IL1RAPL1: variants seen among roughly 807,000 people sequenced by gnomAD.
IL1RAPL1 encodes the protein interleukin-1 receptor accessory protein-like 1.
A neutral mutation model predicts 48.4 loss-of-function variants in IL1RAPL1; 3 were observed. The ratio of observed to expected loss-of-function variants is 0.06; its 90% confidence interval spans 0.03 to 0.16. The LOEUF is 0.16. IL1RAPL1 is among the 10% of genes least tolerant of loss of function. The pLI is 1.00. For missense variants in IL1RAPL1, 349 were observed against 530.6 expected (o/e 0.66, Z 3.36); for synonymous variants, 185 against 187.7 (o/e 0.99, Z 0.12).
At chrX:29,033,162 A>T (rs991746238) in intron 2 of IL1RAPL1, among the ~76,000 whole-genome samples, 22 of 111,590 alleles carry the variant, frequency 2.0e-4, no homozygotes, top group African/African-American at 5.8e-4. Context: ...TTGATTACTT[A>T]CTAAATACAA....
intron 2 of IL1RAPL1, among the ~76,000 whole-genome samples, chrX:29,129,038 T>TA: frequency 1.2e-5 from 1 of 83,759 alleles, no homozygotes; most frequent in Admixed American, 1.4e-4. Context: ...TTACCTAGAA[T>TA]CTTTTTTTTT....
At chrX:28,857,956 A>T (rs938262364) in intron 2 of IL1RAPL1, among the ~76,000 whole-genome samples, 55 of 112,126 alleles carry the variant, frequency 4.9e-4, no homozygotes, top group African/African-American at 1.8e-3. Flanking sequence ...TGCCATTAAG[A>T]ACATCTGTGA....
At chrX:28,899,603 A>G (rs66759111) in intron 2 of IL1RAPL1, among the ~76,000 whole-genome samples, 1,897 of 112,335 alleles carry the variant, frequency 0.017, 16 homozygotes, top group Non-Finnish European at 0.02. Context: ...TATAACCTCT[A>G]TACTGCTTCC....
chrX:29,646,547 A>G (rs1384408146), intron 5 of IL1RAPL1, among the ~76,000 whole-genome samples: 4 of 111,682 alleles, frequency 3.6e-5, no homozygotes, highest in Non-Finnish European at 7.5e-5. Context: ...TAAAGAAAGA[A>G]AAGCAGAAAA....
intron 5 of IL1RAPL1, among the ~76,000 whole-genome samples, chrX:29,596,329 C>G (rs969443929): frequency 8.9e-6 from 1 of 112,075 alleles, no homozygotes; most frequent in African/African-American, 3.2e-5. Context: ...GCAGTATGGT[C>G]ATTTTCACAA....
intron 1 of IL1RAPL1, among the ~76,000 whole-genome samples, chrX:28,788,633 T>TTG (rs890860291): frequency 3.3e-5 from 1 of 29,872 alleles, no homozygotes; most frequent in African/African-American, 1.4e-4. Context: ...CGCCCAGCTA[T>TTG]TTTTTTTTTT....
At chrX:29,247,428 G>A (rs755703260) in intron 2 of IL1RAPL1, among the ~76,000 whole-genome samples, 2 of 107,579 alleles carry the variant, frequency 1.9e-5, no homozygotes, top group South Asian at 3.9e-4. Context: ...GAAATAACAC[G>A]GACAGAGAAA....
chrX:29,795,645 A>C (rs1341769938), intron 6 of IL1RAPL1, among the ~76,000 whole-genome samples: 2 of 112,957 alleles, frequency 1.8e-5, no homozygotes. Context: ...TCCTGGACTC[A>C]AGCGATCCAC....
At chrX:29,073,043 G>A (rs12557417) in intron 2 of IL1RAPL1, among the ~76,000 whole-genome samples, 22,232 of 110,956 alleles carry the variant, frequency 0.2, 1,896 homozygotes, top group South Asian at 0.42. Context: ...CAACAGAAAC[G>A]TCCTATTTCC....
chrX:28,814,268 A>G (rs1371512416), intron 2 of IL1RAPL1, among the ~76,000 whole-genome samples: 5 of 105,893 alleles, frequency 4.7e-5, no homozygotes, highest in Admixed American at 3.1e-4. Context: ...CACTATTCTA[A>G]CTGAATTTTA....
At chrX:29,668,877 G>C (rs1393130277) in intron 6 of IL1RAPL1, among the ~76,000 whole-genome samples, 1 of 111,214 alleles carries the variant, frequency 9.0e-6, no homozygotes, top group Non-Finnish European at 1.9e-5. Flanking sequence ...TGAAATTTAG[G>C]GGAAAGGGTT....
intron 6 of IL1RAPL1, among the ~76,000 whole-genome samples, chrX:29,900,423 G>A (rs1487309633): frequency 8.9e-6 from 1 of 112,242 alleles, no homozygotes; most frequent in Non-Finnish European, 1.9e-5. Context: ...ACTCATTAAA[G>A]TGTACAGCGA....
At chrX:29,329,172 C>G (rs767652994) in intron 3 of IL1RAPL1, among the ~76,000 whole-genome samples, 4 of 111,363 alleles carry the variant, frequency 3.6e-5, no homozygotes, top group African/African-American at 9.8e-5. Context: ...TACACACACT[C>G]AAACACACAC....
At chrX:29,894,650 G>A (rs1240754894) in intron 6 of IL1RAPL1, among the ~76,000 whole-genome samples, 2 of 111,738 alleles carry the variant, frequency 1.8e-5, no homozygotes, top group East Asian at 2.8e-4. Flanking sequence ...CTTTTTACGA[G>A]ATTATAACTT....
intron 5 of IL1RAPL1, among the ~76,000 whole-genome samples, chrX:29,436,444 C>G (rs1268165075): frequency 9.1e-6 from 1 of 109,820 alleles, no homozygotes; most frequent in Non-Finnish European, 1.9e-5. Context: ...TTTCAAGTAC[C>G]TAGATAGAAG....
At chrX:28,614,181 G>GTT (rs5901898) in intron 1 of IL1RAPL1, among the ~76,000 whole-genome samples, 11 of 110,005 alleles carry the variant, frequency 1.0e-4, no homozygotes, top group South Asian at 3.8e-4. Flanking sequence ...TTTCGTTCTT[G>GTT]TTTTTTTATG....
At chrX:29,906,978 A>G (rs1057318547) in intron 6 of IL1RAPL1, among the ~76,000 whole-genome samples, 1 of 111,561 alleles carries the variant, frequency 9.0e-6, no homozygotes, top group African/African-American at 3.3e-5. Context: ...ATGACATTGT[A>G]GAATATATGG....
At chrX:28,770,440 AG>A (rs1337754202) in intron 1 of IL1RAPL1, among the ~76,000 whole-genome samples, 1 of 112,496 alleles carries the variant, frequency 8.9e-6, no homozygotes, top group African/African-American at 3.2e-5. Flanking sequence ...CTTAAGAACA[AG>A]GTGTTATTTC....
At chrX:28,593,498 C>T (rs756674421) in intron 1 of IL1RAPL1, among the ~76,000 whole-genome samples, 20 of 111,430 alleles carry the variant, frequency 1.8e-4, no homozygotes, top group Non-Finnish European at 1.1e-4. Context: ...ATATCAAATA[C>T]GATAAATGGC....
Sources: allele counts gnomAD v4.1 joint callset (sites outside exome capture counted in the v4.1 genomes callset), GRCh38; gene constraint gnomAD v4.1.1; transcripts MANE v1.5; gene names NCBI Gene and HGNC (gene_info 2026-07-23, HGNC 2026-07-21).